SLC25A21: variants seen among roughly 807,000 people sequenced by gnomAD.
SLC25A21 encodes the protein mitochondrial 2-oxodicarboxylate carrier.
SLC25A21 carries 47 observed loss-of-function variants against 43.8 expected under a neutral mutation model. That is an observed-to-expected ratio of 1.07 (90% CI 0.85 to 1.37). The LOEUF (loss-of-function observed/expected upper bound fraction) is 1.37, where lower values mean the gene tolerates loss of function less well. Among genes scored for constraint, SLC25A21 ranks in the 40% most tolerant of loss-of-function variants. The pLI, the probability that SLC25A21 is intolerant of heterozygous loss-of-function variation, is 0.00. For missense variants in SLC25A21, 352 were observed against 350.2 expected (o/e 1.00, Z -0.04); for synonymous variants, 131 against 121.3 (o/e 1.08, Z -0.52).
At chr14:37,137,642 G>C (rs549785271) in intron 1 of SLC25A21, among the ~76,000 whole-genome samples, 1 of 152,152 alleles carries the variant, frequency 6.6e-6, no homozygotes, top group South Asian at 2.1e-4. Context: ...TACATTGTAG[G>C]ATCATGAGTA....
At chr14:36,926,091 A>G (rs1397117703) in intron 1 of SLC25A21, among the ~76,000 whole-genome samples, 2 of 152,184 alleles carry the variant, frequency 1.3e-5, no homozygotes, top group African/African-American at 4.8e-5. Flanking sequence ...ATTTACCAAA[A>G]TAGAACATAG....
chr14:36,973,095 A>C (rs1446936298), intron 1 of SLC25A21, among the ~76,000 whole-genome samples: 1 of 151,786 alleles, frequency 6.6e-6, no homozygotes, highest in East Asian at 1.9e-4. Context: ...CCAGGCTTGC[A>C]AGATCTTAAT....
intron 1 of SLC25A21, among the ~76,000 whole-genome samples, chr14:37,036,232 T>C (rs1417365596): frequency 2.0e-5 from 3 of 152,324 alleles, no homozygotes; most frequent in South Asian, 4.1e-4. Flanking sequence ...TTTAGCAAGT[T>C]GGATTCTTCT....
intron 3 of SLC25A21, among the ~76,000 whole-genome samples, chr14:36,751,249 C>T (rs921645791): frequency 6.6e-6 from 1 of 152,202 alleles, no homozygotes; most frequent in African/African-American, 2.4e-5. Flanking sequence ...ATACTTCTCT[C>T]TCATTCTGCT....
intron 1 of SLC25A21, among the ~76,000 whole-genome samples, chr14:37,088,870 A>T (rs983561923): frequency 1.3e-5 from 2 of 150,966 alleles, no homozygotes; most frequent in Non-Finnish European, 3.0e-5. Flanking sequence ...TTTCTTTCTT[A>T]CTCTCTCTCT....
intron 2 of SLC25A21, among the ~76,000 whole-genome samples, chr14:36,869,601 G>A (rs540910221): frequency 6.6e-5 from 10 of 152,270 alleles, no homozygotes; most frequent in African/African-American, 2.2e-4. Context: ...GTCCATATAT[G>A]TTTTCTCTCC....
At chr14:37,125,805 A>G (rs1263371733) in intron 1 of SLC25A21, among the ~76,000 whole-genome samples, 2 of 152,184 alleles carry the variant, frequency 1.3e-5, no homozygotes, top group African/African-American at 4.8e-5. Flanking sequence ...GATACACAGC[A>G]TTTCAGTTAC....
chr14:36,937,441 T>C (rs1214545607), intron 1 of SLC25A21, among the ~76,000 whole-genome samples: 6 of 152,152 alleles, frequency 3.9e-5, no homozygotes, highest in Non-Finnish European at 5.9e-5. Context: ...TGAGGCAACA[T>C]AGTAGAGAGT....
At chr14:36,938,018 T>G (rs1054774670) in intron 1 of SLC25A21, among the ~76,000 whole-genome samples, 1 of 152,180 alleles carries the variant, frequency 6.6e-6, no homozygotes, top group African/African-American at 2.4e-5. Flanking sequence ...AAAAAAAATT[T>G]TTTTTAATGG....
At chr14:36,945,153 C>T (rs1892650102) in intron 1 of SLC25A21, among the ~76,000 whole-genome samples, 1 of 152,186 alleles carries the variant, frequency 6.6e-6, no homozygotes, top group South Asian at 2.1e-4. Context: ...CCCAGTCCAT[C>T]AGCAAAATGT....
intron 1 of SLC25A21, among the ~76,000 whole-genome samples, chr14:37,068,595 A>T (rs1962108312): frequency 1.3e-5 from 2 of 152,188 alleles, no homozygotes; most frequent in Admixed American, 1.3e-4. Flanking sequence ...TAATTTTGTA[A>T]ATTGATTTAA....
At chr14:36,819,060 C>T (rs915567614) in intron 2 of SLC25A21, among the ~76,000 whole-genome samples, 2 of 152,176 alleles carry the variant, frequency 1.3e-5, no homozygotes, top group African/African-American at 4.8e-5. Flanking sequence ...AAACTTGCTG[C>T]CACACTGACA....
At chr14:36,977,000 T>C (rs12888531) in intron 1 of SLC25A21, among the ~76,000 whole-genome samples, 26,436 of 152,140 alleles carry the variant, frequency 0.17, 3,717 homozygotes, top group East Asian at 0.4. Context: ...ATTCAGGAAA[T>C]GCAGAATTTT....
chr14:37,003,217 A>G (rs1032682331), intron 1 of SLC25A21, among the ~76,000 whole-genome samples: 1 of 152,214 alleles, frequency 6.6e-6, no homozygotes, highest in Non-Finnish European at 1.5e-5. Context: ...ATATACTGTA[A>G]TAAAAGCTAT....
At chr14:37,021,005 A>C (rs1463887570) in intron 1 of SLC25A21, among the ~76,000 whole-genome samples, 1 of 151,994 alleles carries the variant, frequency 6.6e-6, no homozygotes, top group Non-Finnish European at 1.5e-5. Context: ...ACGTTTCCTG[A>C]GGTCATCTAT....
chr14:36,922,294 G>A (rs1437246726), intron 1 of SLC25A21, among the ~76,000 whole-genome samples: 6 of 151,962 alleles, frequency 3.9e-5, no homozygotes, highest in Admixed American at 2.0e-4. Flanking sequence ...ATGGATAAGC[G>A]GCAGTTCAGA....
intron 1 of SLC25A21, among the ~76,000 whole-genome samples, chr14:36,876,916 G>GATAGATAA (rs1360988487): frequency 0.011 from 1,548 of 137,456 alleles, 35 homozygotes; most frequent in African/African-American, 0.038. Context: ...TAGATAGATA[G>GATAGATAA]ATAGATAGAT....
At chr14:36,962,838 G>A (rs1211666056) in intron 1 of SLC25A21, among the ~76,000 whole-genome samples, 1 of 152,012 alleles carries the variant, frequency 6.6e-6, no homozygotes, top group African/African-American at 2.4e-5. Flanking sequence ...TCTCTTTTAG[G>A]GGTTAGACAT....
At chr14:37,010,325 G>A (rs1960703099) in intron 1 of SLC25A21, among the ~76,000 whole-genome samples, 1 of 152,178 alleles carries the variant, frequency 6.6e-6, no homozygotes, top group African/African-American at 2.4e-5. Context: ...CCTGACATCT[G>A]CCTTGCTTGA....
Sources: gnomAD v4.1 joint callset for allele counts (sites outside exome capture counted in the v4.1 genomes callset) on GRCh38, gnomAD v4.1.1 for gene constraint, MANE v1.5 for transcripts, NCBI Gene and HGNC (gene_info 2026-07-23, HGNC 2026-07-21) for gene names.